PASK: variants seen among roughly 807,000 people sequenced by gnomAD.
PASK encodes the protein PAS domain-containing serine/threonine-protein kinase.
Under a neutral mutation model 121.0 loss-of-function variants are expected in PASK, and 110 were observed. The observed-to-expected ratio is 0.91, with a 90% CI of 0.78 to 1.06. The LOEUF is 1.06. Among genes scored for constraint, PASK ranks in the 50% least tolerant of loss-of-function variants. The pLI, the probability that PASK is intolerant of heterozygous loss-of-function variation, is 0.00. For synonymous variants in PASK, 686 were observed against 717.8 expected, an observed-to-expected ratio of 0.96 and a Z score of 0.71; for missense variants, 1,643 against 1,702.3, an observed-to-expected ratio of 0.97 and a Z score of 0.61.
chr2:241,123,246 G>A (rs1411710672), intron 11 of PASK, among the ~76,000 whole-genome samples: 1 of 149,870 alleles, frequency 6.7e-6, no homozygotes, highest in East Asian at 2.0e-4. Flanking sequence ...CGCAATCTCG[G>A]CTCACTGCAA....
chr2:241,142,756 A>G, intron 2 of PASK, 81 bp downstream of exon 2: 1 of 1,090,022 alleles, frequency 9.2e-7, no homozygotes, highest in Non-Finnish European at 1.4e-6. Flanking sequence ...ATCCCTGGTG[A>G]GAGGGTTTCC....
In PASK at chr2:241,112,274, CGAT is replaced by C; in HGVS notation, c.3496_3498del (p.Ile1166del). 8.7e-6 allele frequency: 14 copies of C among 1,613,796 alleles called. No individual in the cohort carries two copies. Among genetic ancestry groups the C allele is most frequent in the Non-Finnish European group, 1.1e-5 (13 of 1,179,812 alleles). On this transcript the variant is annotated inframe_deletion, in exon 15 of 18. Transcript: ENST00000234040. This position sits in a 1 kb window ranked among gnomAD's most constrained non-coding sequence, Gnocchi z 5.2. ...ATGAGAACTTCCGGTGCACAGTACTCGATGGTCCCACAAAAAGTATAAAATAAT... is the reference window on the plus strand; with the variant it reads ...ATGAGAACTTCCGGTGCACAGTACTCGGTCCCACAAAAAGTATAAAATAAT...
chr2:241,140,589 GTGAGGACCACCC>G lies in PASK; in HGVS notation c.349_360del (p.Gly117_Ser120del), dbSNP rs1270822474. The G allele has an allele frequency of 1.2e-6, 2 of 1,614,048 alleles. No individual in the cohort carries two copies. Among genetic ancestry groups the G allele is most frequent in the Admixed American group, 1.7e-5 (1 of 60,008 alleles). On this transcript the variant is annotated inframe_deletion, in exon 3 of 18. Transcript: ENST00000234040. ...TTGCACACAGGGGCCGGAAGCAGAG[GTGAGGACCACCC>G]TGAGGACAGTCCCCGCAGCAGGGAG...
chr2:241,139,124 A>G (rs1309211719), intron 4 of PASK, among the ~76,000 whole-genome samples: 2 of 152,208 alleles, frequency 1.3e-5, no homozygotes, highest in African/African-American at 4.8e-5. Flanking sequence ...CTTAGTAGTC[A>G]GTTTCTTGAA....
chr2:241,125,766 C>T (rs1639576221), intron 10 of PASK, among the ~76,000 whole-genome samples: 1 of 152,188 alleles, frequency 6.6e-6, no homozygotes, highest in Non-Finnish European at 1.5e-5. Context: ...AAGAAGAACA[C>T]GTGAGCATCT....
rs1335924887 is a variant in PASK, at chr2:241,133,033, G to A, written c.1307-3C>T. ...AAGCACGACATTAATCCTTGGATCTGGCAGCAACACCAAAAAAGAGCGTTT... is the reference window on the plus strand; with the variant it reads ...AAGCACGACATTAATCCTTGGATCTAGCAGCAACACCAAAAAAGAGCGTTT... On this transcript the variant is annotated splice_polypyrimidine_tract_variant and splice_region_variant and intron_variant, in intron 8 of 17. Coordinates refer to ENST00000234040, the MANE Select transcript of PASK (RefSeq NM_015148.4). 8 of 1,613,888 alleles carry A rather than the reference G, an allele frequency of 5.0e-6. No homozygotes were observed. The highest frequency in any genetic ancestry group is 3.3e-4 in the Middle Eastern group (2 of 6,084).
intron 12 of PASK, among the ~76,000 whole-genome samples, chr2:241,120,934 TGATAAACG>T (rs1198389187): frequency 6.6e-6 from 1 of 152,240 alleles, no homozygotes; most frequent in African/African-American, 2.4e-5. Context: ...GTCCATCAGC[TGATAAACG>T]GATAAACAAA....
chr2:241,116,935 C>T (rs1218567138), intron 12 of PASK, among the ~76,000 whole-genome samples: 1 of 152,204 alleles, frequency 6.6e-6, no homozygotes, highest in African/African-American at 2.4e-5. Context: ...CGCGGGGGTG[C>T]AGCCCCTGCG....
chr2:241,140,169 C>A (rs1384831097), intron 3 of PASK, 114 bp from the exon 4 acceptor site: 25 of 849,764 alleles, frequency 2.9e-5, no homozygotes, highest in Non-Finnish European at 4.7e-5. Context: ...CAGACAGGGT[C>A]TCACTCTGTT....
Position 241,149,403 on chromosome 2 carries a change from A to C in PASK, c.-43+11T>G. 2.2e-6 allele frequency: 1 copy of C among 451,860 alleles called. No homozygotes were observed. Among genetic ancestry groups the C allele is most frequent in the Non-Finnish European group, 4.0e-6 (1 of 252,758 alleles). The allele number at this position is 451,860 out of a possible 1,614,324, so 28.0% of individuals were successfully genotyped here. A position where few individuals can be genotyped will look rare whatever the true frequency, so the allele number is the denominator to read the frequency against. On this transcript the variant is annotated intron_variant, in intron 1 of 17. Coordinates refer to ENST00000234040, the MANE Select transcript of PASK (RefSeq NM_015148.4). Reference sequence around the variant, plus strand: ...GAGCCCGGCCCGCTCTCCCGAGCGCAGGTATCTCACCTGGATCAGGCGAGG... The same window carrying C: ...GAGCCCGGCCCGCTCTCCCGAGCGCCGGTATCTCACCTGGATCAGGCGAGG...
chr2:241,127,281 G>T lies in PASK; in HGVS notation c.1634C>A (p.Ser545Tyr). 2 of 1,614,234 alleles carry T rather than the reference G, an allele frequency of 1.2e-6. No homozygotes were observed. Among genetic ancestry groups the T allele is most frequent in the Non-Finnish European group, 1.7e-6 (2 of 1,180,044 alleles). The change falls in exon 10 of 18, where the codon TCC (serine) becomes TAC (tyrosine). Residue 545 changes from serine to tyrosine, a missense_variant. By Grantham distance (144) the Ser-to-Tyr change is moderately radical (BLOSUM62 -2). Transcript: ENST00000234040. ...SEPVDVKPFASCEDSEAPVPA... is the reference protein window; with the variant it reads ...SEPVDVKPFAYCEDSEAPVPA... ...GACTGGAGCTTCAGAATCTTCGCAG[G>T]AAGCAAATGGCTTCACATCCACTGG...
chr2:241,149,634 A>G, upstream of PASK: 1 of 1,538,836 alleles, frequency 6.5e-7, no homozygotes, highest in Non-Finnish European at 8.7e-7. Context: ...GCTTCGGAGG[A>G]GCCAAAGGAA....
chr2:241,125,456 C>T (rs1273800785), intron 10 of PASK, among the ~76,000 whole-genome samples: 2 of 149,106 alleles, frequency 1.3e-5, no homozygotes, highest in African/African-American at 5.0e-5. Flanking sequence ...AAAAATTAGC[C>T]GGGCGTGCTG....
chr2:241,130,571 T>C (rs1575298783), intron 9 of PASK, among the ~76,000 whole-genome samples: 1 of 152,054 alleles, frequency 6.6e-6, no homozygotes, highest in African/African-American at 2.4e-5. Context: ...GTGGCACCTC[T>C]GGAGAGGTGC....
intron 16 of PASK, among the ~76,000 whole-genome samples, chr2:241,107,915 T>C (rs1324045362): frequency 2.0e-5 from 3 of 152,344 alleles, no homozygotes; most frequent in African/African-American, 7.2e-5. Flanking sequence ...ACAGGGCCAC[T>C]TGGAGCCTCC....
rs1247083089 is a variant in PASK, at chr2:241,142,972, G to T, written c.61C>A (p.Pro21Thr). The change falls in exon 2 of 18, where the codon CCC (proline) becomes ACC (threonine). Residue 21 changes from proline (P) to threonine (T), a missense_variant. This residue lies in a region of PASK where 1,176 missense variants were observed against 1,162.2 expected (regional missense o/e 1.01). Transcript: ENST00000234040. ...GGGCCCTCTGCTGACACTGGCAAGG[G>T]GAGGCTCTGGGAAAGGCATCTCTGG... ...EDQRCLSQSL[P>T]LPVSAEGPAA... 4 of 1,614,020 alleles carry T rather than the reference G, an allele frequency of 2.5e-6. No homozygotes were observed. The Admixed American group carries it at 5.0e-5, about 20-fold the overall frequency.
upstream of PASK, chr2:241,150,082 C>T: frequency 1.6e-6 from 2 of 1,274,296 alleles, no homozygotes; most frequent in Non-Finnish European, 2.0e-6. Flanking sequence ...CCGCACCTTG[C>T]AGCCACGGAA....
chr2:241,114,061 C>A, intron 14 of PASK: 2 of 984,986 alleles, frequency 2.0e-6, no homozygotes. Context: ...TGTCAGGCAG[C>A]AGCTTTTAAC....
Position 241,126,982 on chromosome 2 carries a change from C to T in PASK, c.1933G>A (p.Glu645Lys). ...GLSFGTPTLD[E>K]PWLGVENDRE... The stretch of plus-strand genomic sequence containing the variant: ...TCGTTTTCCACTCCCAGCCACGGCT[C>T]ATCTAGAGTAGGTGTCCCAAACGAG... Residue 645 changes from glutamate (E) to lysine (K), a missense_variant, in exon 10 of 18, where the codon GAG becomes AAG. Physicochemically the swap from Glu to Lys is moderately conservative, Grantham distance 56. Around this residue, in one of 3 missense-constraint regions of PASK, gnomAD observed 1,176 missense variants for 1,162.2 expected, o/e 1.01. Transcript: ENST00000234040. The T allele has an allele frequency of 6.2e-7, 1 of 1,614,260 alleles. No homozygotes were observed. The highest frequency in any genetic ancestry group is 1.3e-5 in the African/African-American group (1 of 75,066).
Sources: gnomAD v4.1 joint callset for allele counts (sites outside exome capture counted in the v4.1 genomes callset) on GRCh38, gnomAD v4.1.1 for gene constraint, gnomAD v4.1.1 regional missense constraint, Gnocchi (gnomAD v3.1) non-coding constraint, MANE v1.5 for transcripts, NCBI Gene and HGNC (gene_info 2026-07-23, HGNC 2026-07-21) for gene names.